Variants in SHISA9 observed in about 807,000 individuals in gnomAD.
SHISA9 encodes protein shisa-9.
A neutral mutation model predicts 38.0 loss-of-function variants in SHISA9; 13 were observed. The ratio of observed to expected loss-of-function variants is 0.34; its 90% confidence interval spans 0.22 to 0.54. The LOEUF is 0.54. Among genes scored for constraint, SHISA9 ranks in the 20% least tolerant of loss-of-function variants. The pLI, the probability that SHISA9 is intolerant of heterozygous loss-of-function variation, is 0.91. For missense variants in SHISA9, 538 were observed against 575.8 expected (o/e 0.93, Z 0.67); for synonymous variants, 275 against 242.0 (o/e 1.14, Z -1.27).
In SHISA9 at chr16:13,235,013, C is replaced by T. The variant is rs914701060; in HGVS notation, c.896-17C>T. On this transcript the variant is annotated splice_polypyrimidine_tract_variant and intron_variant, in intron 4 of 4. Transcript: ENST00000558583. ...TCTCTTTCTTCCCCTTCTTCATCCA[C>T]CCGTTCCGATGTGTAGCTGACAAGG... 5 of 1,524,622 alleles carry T rather than the reference C, an allele frequency of 3.3e-6. No individual in the cohort carries two copies. The South Asian group carries it at 3.7e-5, about 11-fold the overall frequency. 94.4% of individuals were successfully genotyped at this position (1,524,622 alleles called of 1,614,324 possible).
intron 2 of SHISA9, among the ~76,000 whole-genome samples, chr16:12,976,292 T>C (rs2072160701): frequency 6.6e-6 from 1 of 152,160 alleles, no homozygotes; most frequent in African/African-American, 2.4e-5. Context: ...GGTTTCACCA[T>C]GTTGGCCAGG....
chr16:12,985,510 C>T (rs1412573651), intron 2 of SHISA9, among the ~76,000 whole-genome samples: 3 of 152,132 alleles, frequency 2.0e-5, no homozygotes, highest in African/African-American at 2.4e-5. Context: ...CACTCTATTA[C>T]GTTTTAACTC....
the SHISA9 span, among the ~76,000 whole-genome samples, chr16:13,557,480 G>A: frequency 2.0e-5 from 3 of 152,244 alleles, no homozygotes; most frequent in South Asian, 2.1e-4. Context: ...GAAGACACCC[G>A]TGGCAAAGCT....
intron 2 of SHISA9, among the ~76,000 whole-genome samples, chr16:13,094,898 G>A (rs2073810598): frequency 6.6e-6 from 1 of 152,156 alleles, no homozygotes; most frequent in Non-Finnish European, 1.5e-5. Context: ...ATTTAGCTGT[G>A]TAAGTGTTAT....
chr16:13,146,558 A>G (rs1489499622), intron 2 of SHISA9, among the ~76,000 whole-genome samples: 1 of 152,188 alleles, frequency 6.6e-6, no homozygotes, highest in Non-Finnish European at 1.5e-5. Flanking sequence ...TTGAAAATGT[A>G]TGATCAATTA....
the SHISA9 span, among the ~76,000 whole-genome samples, chr16:13,431,987 G>A: frequency 2.0e-5 from 3 of 152,194 alleles, no homozygotes; most frequent in Admixed American, 1.3e-4. Flanking sequence ...CTTAAGCCCC[G>A]GAGGCAGAGG....
rs533193231 is a variant in SHISA9 at position 13,051,785 on chromosome 16, A to AGATTGAG, written c.691+134971_691+134977dup. On this transcript the variant is annotated intron_variant, in intron 2 of 4. Coordinates refer to ENST00000558583, the MANE Select transcript of SHISA9 (RefSeq NM_001145204.3). ...TAAAATTTACATTTTTTTTTTTTTGAGATTGAGTCTTGCTCTATCACCAGG... is the reference window on the plus strand; with the variant it reads ...TAAAATTTACATTTTTTTTTTTTTGAGATTGAGGATTGAGTCTTGCTCTATCACCAGG... Among the ~76,000 whole-genome samples, 1,077 of 145,258 alleles carry AGATTGAG rather than the reference A, an allele frequency of 7.4e-3. 6 individuals carry two copies. The highest frequency in any genetic ancestry group is 0.014 in the Middle Eastern group (4 of 288).
chr16:12,976,956 G>A (rs2072171030), intron 2 of SHISA9, among the ~76,000 whole-genome samples: 1 of 152,170 alleles, frequency 6.6e-6, no homozygotes, highest in South Asian at 2.1e-4. Flanking sequence ...GGGTTGCGTG[G>A]TTTCTCTGGA....
At chr16:13,233,518 C>G (rs1312713057) in intron 4 of SHISA9, among the ~76,000 whole-genome samples, 4 of 152,224 alleles carry the variant, frequency 2.6e-5, no homozygotes, top group African/African-American at 4.8e-5. Flanking sequence ...TAGTAAATAT[C>G]TCAGGCTCTT....
intron 2 of SHISA9, among the ~76,000 whole-genome samples, chr16:12,937,048 G>T (rs561302794): frequency 6.6e-6 from 1 of 152,194 alleles, no homozygotes; most frequent in East Asian, 1.9e-4. Context: ...TGGTCCTCTT[G>T]TGAACCACAG....
chr16:13,482,814 A>AAG, the SHISA9 span, among the ~76,000 whole-genome samples: 1 of 151,268 alleles, frequency 6.6e-6, no homozygotes, highest in Admixed American at 6.6e-5. Context: ...AAAAAAAAAA[A>AAG]AAAGAGAGAG....
intron 2 of SHISA9, among the ~76,000 whole-genome samples, chr16:13,018,648 C>T (rs1317794209): frequency 1.3e-5 from 2 of 152,208 alleles, no homozygotes; most frequent in Admixed American, 1.3e-4. Context: ...CCAGGAGAGG[C>T]ACTGCAGCTG....
intron 2 of SHISA9, among the ~76,000 whole-genome samples, chr16:12,929,689 C>G (rs1351483798): frequency 1.3e-5 from 2 of 151,810 alleles, no homozygotes. Context: ...GGATGCTGGG[C>G]TTAATACCCA....
intron 3 of SHISA9, among the ~76,000 whole-genome samples, chr16:13,206,297 T>C (rs183493993): frequency 9.8e-5 from 15 of 152,316 alleles, no homozygotes; most frequent in Admixed American, 9.2e-4. Flanking sequence ...ACAAACCATA[T>C]ACTTTCTTTT....
intron 2 of SHISA9, among the ~76,000 whole-genome samples, chr16:13,140,116 C>T (rs1255079756): frequency 6.3e-5 from 3 of 47,584 alleles, no homozygotes; most frequent in African/African-American, 2.3e-4. Flanking sequence ...CTTCCCTTCC[C>T]TTCCCTTCCC....
chr16:13,068,284 T>TA (rs2073457967), intron 2 of SHISA9, among the ~76,000 whole-genome samples: 1 of 152,202 alleles, frequency 6.6e-6, no homozygotes, highest in African/African-American at 2.4e-5. Context: ...TCTCGACCCA[T>TA]AAAATGAGCC....
intron 2 of SHISA9, among the ~76,000 whole-genome samples, chr16:13,026,136 GT>G (rs1249883667): frequency 6.6e-6 from 1 of 152,186 alleles, no homozygotes. Flanking sequence ...ATACAGTATT[GT>G]TAACTATAGG....
the SHISA9 span, among the ~76,000 whole-genome samples, chr16:13,504,451 C>T: frequency 2.6e-5 from 4 of 152,010 alleles, no homozygotes; most frequent in African/African-American, 9.7e-5. Flanking sequence ...GAACACTGCT[C>T]GAAGCCAAAG....
chr16:13,424,084 A>G, the SHISA9 span, among the ~76,000 whole-genome samples: 2 of 152,224 alleles, frequency 1.3e-5, no homozygotes, highest in African/African-American at 4.8e-5. Flanking sequence ...AATCCCATTC[A>G]CTGGCCCCAC....
Sources: allele counts gnomAD v4.1 joint callset (sites outside exome capture counted in the v4.1 genomes callset), GRCh38; gene constraint gnomAD v4.1.1; transcripts MANE v1.5; gene names NCBI Gene and HGNC (gene_info 2026-07-23, HGNC 2026-07-21).